DOCK8: variants seen among roughly 807,000 people sequenced by gnomAD.
The protein encoded by DOCK8 is dedicator of cytokinesis protein 8.
Under a neutral mutation model 245.6 loss-of-function variants are expected in DOCK8, and 141 were observed. That is an observed-to-expected ratio of 0.57 (90% CI 0.50 to 0.66). DOCK8 has a LOEUF of 0.66. Ranked by LOEUF, DOCK8 falls within the 30% of genes least tolerant of loss-of-function variation. The pLI, the probability that DOCK8 is intolerant of heterozygous loss-of-function variation, is 0.00. For synonymous variants in DOCK8, 1,168 were observed against 970.2 expected, an observed-to-expected ratio of 1.20 and a Z score of -3.79; for missense variants, 2,965 against 2,603.4, an observed-to-expected ratio of 1.14 and a Z score of -3.02.
rs140270895 is a variant in DOCK8 at position 289,520 on chromosome 9, G to C, written c.343G>C (p.Asp115His). Residue 115 changes from aspartate to histidine, a missense_variant, in exon 4 of 48, where the codon GAC becomes CAC. Transcript: ENST00000432829. ...TTTCTACCTCATTAGGGTTGAACTG[G>C]ACCCTCATGTCAGGGACTGTGTTCA... ...PSLPEEGVELDPHVRDCVQTY... is the reference protein window; with the variant it reads ...PSLPEEGVELHPHVRDCVQTY... 161 of 1,613,442 alleles carry C rather than the reference G, an allele frequency of 1.0e-4. No homozygotes were observed. The African/African-American group carries it at 2.1e-3, about 21-fold the overall frequency.
At position 271,664 on chromosome 9, in the gene DOCK8, C is replaced by T; in HGVS notation, c.91C>T (p.Pro31Ser). 3.2e-6 allele frequency: 5 copies of T among 1,551,550 alleles called. No homozygotes were observed. The highest frequency in any genetic ancestry group is 4.4e-6 in the Non-Finnish European group (5 of 1,146,748). ...GGAAATAAGGAAACAGTTTACTCTC[C>T]CACCAAACCTTGGCCAGTACCATCG... ...SAEIRKQFTL[P>S]PNLGQYHRQS... Residue 31 changes from proline to serine, a missense_variant, in exon 2 of 48, where the codon CCA becomes TCA. Pro to Ser is a moderately conservative substitution (Grantham distance 74, BLOSUM62 -1). Transcript: ENST00000432829.
At chr9:438,883 AGGG>A (rs2056992502) in intron 39 of DOCK8, among the ~76,000 whole-genome samples, 3 of 152,244 alleles carry the variant, frequency 2.0e-5, no homozygotes, top group Non-Finnish European at 4.4e-5. Flanking sequence ...TCGGTGAAAC[AGGG>A]AGCCTAGTTA....
intron 10 of DOCK8, among the ~76,000 whole-genome samples, chr9:333,954 T>C (rs963181926): frequency 2.0e-5 from 3 of 152,212 alleles, no homozygotes; most frequent in Non-Finnish European, 2.9e-5. Flanking sequence ...TGAGTCTCTT[T>C]TTGTTTTCGT....
chr9:304,194 T>G (rs2049697384), intron 4 of DOCK8, among the ~76,000 whole-genome samples: 1 of 152,262 alleles, frequency 6.6e-6, no homozygotes, highest in Admixed American at 6.5e-5. Context: ...AATGGTTTTC[T>G]CTATTTTTAT....
intron 14 of DOCK8, among the ~76,000 whole-genome samples, chr9:343,078 A>T (rs2051689993): frequency 6.6e-6 from 1 of 152,210 alleles, no homozygotes; most frequent in Non-Finnish European, 1.5e-5. Context: ...TTCCAGTATG[A>T]CGTATGTGGG....
Position 464,143 on chromosome 9 carries a change from C to A in DOCK8, c.6240-16C>A. The A allele has an allele frequency of 6.2e-7, 1 of 1,608,546 alleles. No homozygotes were observed. The highest frequency in any genetic ancestry group is 1.1e-5 in the South Asian group (1 of 90,978). Reference sequence around the variant, plus strand: ...CGCTCTCTTTCCCTCTCCTCCCTCTCTTTTCTTAATTTCAGGGACTCCTTC... The same window carrying A: ...CGCTCTCTTTCCCTCTCCTCCCTCTATTTTCTTAATTTCAGGGACTCCTTC... On this transcript the variant is annotated splice_polypyrimidine_tract_variant and intron_variant, in intron 47 of 47. Transcript: ENST00000432829.
chr9:382,939 G>GTTTAGCCACATGA (rs937712141), intron 22 of DOCK8, among the ~76,000 whole-genome samples: 23 of 152,054 alleles, frequency 1.5e-4, no homozygotes, highest in Admixed American at 5.2e-4. Context: ...AGCATCAGGG[G>GTTTAGCCACATGA]TTTAGCCACA....
intron 45 of DOCK8, 128 bp from the exon 46 acceptor site, chr9:451,883 A>G (rs905113546): frequency 4.6e-5 from 9 of 194,422 alleles, no homozygotes; most frequent in African/African-American, 2.4e-4. Context: ...ATATATATAT[A>G]CATATATATG....
intron 14 of DOCK8, chr9:365,625 TGCTCACCACA>T (rs940874534): frequency 6.6e-6 from 3 of 456,382 alleles, no homozygotes; most frequent in Non-Finnish European, 1.3e-5. Context: ...TGCTCATTAA[TGCTCACCACA>T]GCCCTTTGAG....
intron 14 of DOCK8, among the ~76,000 whole-genome samples, chr9:347,388 C>T (rs1233997416): frequency 6.6e-6 from 1 of 152,118 alleles, no homozygotes; most frequent in African/African-American, 2.4e-5. Flanking sequence ...CACCTGCAGT[C>T]CCAGTTACTT....
chr9:425,499 T>A lies in DOCK8; in HGVS notation c.4242-1386T>A, dbSNP rs993218962. Among the ~76,000 whole-genome samples the A allele has an allele frequency of 3.1e-3, 419 of 133,818 alleles. 2 individuals carry two copies. Among genetic ancestry groups the A allele is most frequent in the African/African-American group, 0.014 (390 of 28,556 alleles). 87.8% of individuals were successfully genotyped at this position (133,818 alleles called of 152,430 possible). The stretch of plus-strand genomic sequence containing the variant: ...GTGAGCCAAGATTGCGCCACTGCAC[T>A]CTGCACTCCAGCCTGGGCGACAGAG... On this transcript the variant is annotated intron_variant, in intron 33 of 47. Transcript: ENST00000432829.
At chr9:400,325 C>CCAT (rs1554691739) in intron 26 of DOCK8, among the ~76,000 whole-genome samples, 3 of 88,894 alleles carry the variant, frequency 3.4e-5, no homozygotes, top group South Asian at 4.7e-4. Context: ...ACCACCTCCA[C>CCAT]CACCACCACC....
At chr9:276,706 A>G (rs1191401514) in intron 2 of DOCK8, among the ~76,000 whole-genome samples, 1 of 152,230 alleles carries the variant, frequency 6.6e-6, no homozygotes, top group Non-Finnish European at 1.5e-5. Flanking sequence ...GTGTGAATAG[A>G]TTAACCAGAG....
chr9:305,335 T>G (rs900131938), intron 5 of DOCK8, among the ~76,000 whole-genome samples: 1 of 151,702 alleles, frequency 6.6e-6, no homozygotes, highest in African/African-American at 2.4e-5. Context: ...CAGGCTGGAC[T>G]GCAGTGGCAC....
chr9:462,202 G>A (rs1287768460), intron 46 of DOCK8, among the ~76,000 whole-genome samples: 1 of 152,104 alleles, frequency 6.6e-6, no homozygotes, highest in East Asian at 1.9e-4. Context: ...GATTGAGAAT[G>A]TGTTCCTCCA....
chr9:301,469 A>G (rs1432704681), intron 4 of DOCK8, among the ~76,000 whole-genome samples: 1 of 152,214 alleles, frequency 6.6e-6, no homozygotes, highest in Non-Finnish European at 1.5e-5. Context: ...CACTTATATC[A>G]ACATGGTACT....
rs887137407 is a variant in DOCK8, at chr9:427,069, A to G, written c.4338+88A>G. The G allele has an allele frequency of 5.4e-6, 6 of 1,107,970 alleles. No homozygotes were observed. The African/African-American group carries it at 7.7e-5, about 14-fold the overall frequency. 68.6% of individuals were successfully genotyped at this position (1,107,970 alleles called of 1,614,324 possible). On this transcript the variant is annotated intron_variant, in intron 34 of 47. Coordinates refer to ENST00000432829, the MANE Select transcript of DOCK8 (RefSeq NM_203447.4). ...TTCTTTATGCAAAATTGTGAAAGAC[A>G]TAAATGTGATCCCATAGTACCTTTT...
At chr9:329,370 A>T (rs964343399) in intron 9 of DOCK8, among the ~76,000 whole-genome samples, 2 of 152,122 alleles carry the variant, frequency 1.3e-5, no homozygotes, top group African/African-American at 4.8e-5. Flanking sequence ...AGTCTCAGTG[A>T]TCGCCCCATG....
In DOCK8 at chr9:396,029, T is replaced by C. The variant is rs555982595; in HGVS notation, c.2971-756T>C. On this transcript the variant is annotated intron_variant, in intron 24 of 47. Transcript: ENST00000432829. The stretch of plus-strand genomic sequence containing the variant: ...TGACACAAAGATATCTATATAGAGA[T>C]ACTAGATATAGATAGATAATCTGTA... Among the ~76,000 whole-genome samples, 12 of 152,254 alleles carry C rather than the reference T, an allele frequency of 7.9e-5. No homozygotes were observed. The South Asian group carries it at 2.5e-3, about 32-fold the overall frequency.
Sources: gnomAD v4.1 joint callset for allele counts (sites outside exome capture counted in the v4.1 genomes callset) on GRCh38, gnomAD v4.1.1 for gene constraint, MANE v1.5 for transcripts, NCBI Gene and HGNC (gene_info 2026-07-23, HGNC 2026-07-21) for gene names.